Variants in LRCH1 observed in about 807,000 individuals in gnomAD.
LRCH1 encodes the protein leucine rich repeats and calponin homology domain containing 1, also known as leucine-rich repeat and calponin homology domain-containing protein 1.
LRCH1 carries 23 observed loss-of-function variants against 94.9 expected under a neutral mutation model. The observed-to-expected ratio is 0.24, with a 90% CI of 0.17 to 0.34. The LOEUF is 0.34. LRCH1 is among the 10% of genes least tolerant of loss of function. The pLI, the probability that LRCH1 is intolerant of heterozygous loss-of-function variation, is 1.00. For synonymous variants in LRCH1, 364 were observed against 354.9 expected, an observed-to-expected ratio of 1.03 and a Z score of -0.29; for missense variants, 790 against 945.9, an observed-to-expected ratio of 0.84 and a Z score of 2.16.
chr13:46,600,484 T>G (rs1185269181), intron 1 of LRCH1, among the ~76,000 whole-genome samples: 1 of 152,240 alleles, frequency 6.6e-6, no homozygotes, highest in Non-Finnish European at 1.5e-5. Context: ...ATGGTCCTAA[T>G]TGCTGTTCCC....
chr13:46,617,149 A>G (rs528794040), intron 1 of LRCH1, among the ~76,000 whole-genome samples: 5 of 152,222 alleles, frequency 3.3e-5, no homozygotes, highest in Non-Finnish European at 7.3e-5. Flanking sequence ...ACAGTGCTCA[A>G]AACTGTCAGA....
intron 1 of LRCH1, among the ~76,000 whole-genome samples, chr13:46,645,032 G>A (rs1262724289): frequency 6.6e-6 from 1 of 152,150 alleles, no homozygotes; most frequent in Non-Finnish European, 1.5e-5. Context: ...ACACAGCCAG[G>A]GAAGAAATTA....
intron 3 of LRCH1, 142 bp downstream of exon 3, chr13:46,669,298 G>A (rs1886221): frequency 0.65 from 543,167 of 835,008 alleles, 178,448 homozygotes; most frequent in Admixed American, 0.71. Flanking sequence ...AAGACATTAA[G>A]TGGGGAGAGG....
intron 1 of LRCH1, among the ~76,000 whole-genome samples, chr13:46,619,294 C>G (rs1487010449): frequency 6.6e-6 from 1 of 151,850 alleles, no homozygotes; most frequent in African/African-American, 2.4e-5. Flanking sequence ...TATTTTTAGT[C>G]GAGATGGGGT....
chr13:46,657,018 T>G (rs1034161162), intron 2 of LRCH1, among the ~76,000 whole-genome samples: 5 of 152,224 alleles, frequency 3.3e-5, no homozygotes, highest in Non-Finnish European at 7.3e-5. Flanking sequence ...AAAAGGGATA[T>G]TATGACTTTG....
Position 46,692,651 on chromosome 13 carries a change from T to C in LRCH1, c.1120+10T>C. ...CTTAGCCCCGTTAAAGGTCTGAGAA[T>C]AAAAATGTGGAGAAAGTGCTTGTTT... On this transcript the variant is annotated intron_variant, in intron 8 of 19. Transcript: ENST00000389797. 1 of 1,602,764 alleles carries C rather than the reference T, an allele frequency of 6.2e-7. No homozygotes were observed. The highest frequency in any genetic ancestry group is 8.5e-7 in the Non-Finnish European group (1 of 1,170,458).
intron 1 of LRCH1, among the ~76,000 whole-genome samples, chr13:46,592,817 C>G (rs530947594): frequency 6.6e-6 from 1 of 152,136 alleles, no homozygotes; most frequent in Admixed American, 6.5e-5. Flanking sequence ...GTGATCTGGC[C>G]CCGTCTTACC....
At position 46,744,247 on chromosome 13, in the gene LRCH1, C is replaced by T. The variant is rs1340398783; in HGVS notation, c.*2399C>T. ...GTCTGAGAAGTAGTCAGGGATGTCA[C>T]TGAGTGGTTTATTGTGCTGACCAAA... On this transcript the variant is annotated 3_prime_UTR_variant, in exon 20 of 20. Coordinates refer to ENST00000389797, the MANE Select transcript of LRCH1 (RefSeq NM_001164211.2). 7 of 985,244 alleles carry T rather than the reference C, an allele frequency of 7.1e-6. No homozygotes were observed. In the South Asian group the frequency reaches 3.3e-4, roughly 46 times the overall value. The allele number at this position is 985,244 out of a possible 1,614,324, so 61.0% of individuals were successfully genotyped here.
chr13:46,564,786 C>T (rs112611417), intron 1 of LRCH1, among the ~76,000 whole-genome samples: 3 of 152,304 alleles, frequency 2.0e-5, no homozygotes, highest in African/African-American at 7.2e-5. Context: ...TTGTTAGAAG[C>T]GAAAATGCTC....
intron 1 of LRCH1, among the ~76,000 whole-genome samples, chr13:46,587,227 T>G (rs1247827513): frequency 1.3e-5 from 2 of 152,240 alleles, no homozygotes; most frequent in African/African-American, 4.8e-5. Context: ...AGAGTTGGCC[T>G]TAGGTGCCCT....
intron 16 of LRCH1, among the ~76,000 whole-genome samples, chr13:46,720,907 T>C (rs552202059): frequency 6.6e-6 from 1 of 152,318 alleles, no homozygotes; most frequent in East Asian, 1.9e-4. Flanking sequence ...AAACTAATAG[T>C]GATATAGTCA....
intron 1 of LRCH1, among the ~76,000 whole-genome samples, chr13:46,590,261 A>G (rs1253304846): frequency 6.6e-6 from 1 of 152,128 alleles, no homozygotes. Context: ...CTAAAAGTTG[A>G]CTGGGTTTCC....
At chr13:46,713,428 A>G (rs1397611365) in intron 15 of LRCH1, among the ~76,000 whole-genome samples, 1 of 152,242 alleles carries the variant, frequency 6.6e-6, no homozygotes, top group Non-Finnish European at 1.5e-5. Context: ...AAGCATTTTG[A>G]CAACAGTAGA....
intron 2 of LRCH1, among the ~76,000 whole-genome samples, chr13:46,658,979 G>A (rs2051410723): frequency 6.6e-6 from 1 of 152,116 alleles, no homozygotes; most frequent in Non-Finnish European, 1.5e-5. Flanking sequence ...CAGGGTTATA[G>A]TAAGTACAGC....
intron 1 of LRCH1, among the ~76,000 whole-genome samples, chr13:46,582,714 T>C (rs1358841133): frequency 1.5e-5 from 2 of 136,382 alleles, no homozygotes; most frequent in Non-Finnish European, 3.1e-5. Context: ...TTGCCCAGGC[T>C]GGTCTTGAAC....
intron 3 of LRCH1, among the ~76,000 whole-genome samples, chr13:46,676,007 G>T (rs543744494): frequency 6.6e-6 from 1 of 152,170 alleles, no homozygotes; most frequent in Non-Finnish European, 1.5e-5. Context: ...GGCCGGGTGC[G>T]GTGGCTCATG....
chr13:46,664,357 C>T (rs1471715209), intron 2 of LRCH1, among the ~76,000 whole-genome samples: 2 of 152,144 alleles, frequency 1.3e-5, no homozygotes, highest in South Asian at 2.1e-4. Flanking sequence ...GTGACATAGG[C>T]GTTGTAGCCA....
chr13:46,599,340 A>AT (rs922275888), intron 1 of LRCH1, among the ~76,000 whole-genome samples: 5 of 151,460 alleles, frequency 3.3e-5, no homozygotes, highest in Admixed American at 1.3e-4. Flanking sequence ...CCTGTTTTCA[A>AT]TTTTTTTTTG....
chr13:46,664,055 A>G (rs1422537314), intron 2 of LRCH1, among the ~76,000 whole-genome samples: 1 of 152,212 alleles, frequency 6.6e-6, no homozygotes, highest in African/African-American at 2.4e-5. Flanking sequence ...AGTCTTGGTT[A>G]TCCAGATTGG....
Sources: allele counts gnomAD v4.1 joint callset (sites outside exome capture counted in the v4.1 genomes callset), GRCh38; gene constraint gnomAD v4.1.1; transcripts MANE v1.5; gene names NCBI Gene and HGNC (gene_info 2026-07-23, HGNC 2026-07-21).